Variants in DYRK1B observed in about 807,000 individuals in gnomAD.
DYRK1B encodes the protein dual specificity tyrosine phosphorylation regulated kinase 1B.
DYRK1B carries 20 observed loss-of-function variants against 57.1 expected under a neutral mutation model. The observed-to-expected ratio is 0.35, with a 90% CI of 0.25 to 0.51. The LOEUF (loss-of-function observed/expected upper bound fraction) is 0.51, where lower values mean the gene tolerates loss of function less well. DYRK1B is among the 20% of genes least tolerant of loss of function. The pLI, the probability that DYRK1B is intolerant of heterozygous loss-of-function variation, is 0.96. For missense variants in DYRK1B, 732 were observed against 886.3 expected (o/e 0.83, Z 2.21); for synonymous variants, 409 against 384.7 (o/e 1.06, Z -0.74).
chr19:39,827,772 G>A lies in DYRK1B; in HGVS notation c.808-116C>T, dbSNP rs539770734. On this transcript the variant is annotated intron_variant, in intron 6 of 10. Coordinates refer to ENST00000323039, the MANE Select transcript of DYRK1B (RefSeq NM_004714.3). Reference sequence around the variant, plus strand: ...TTCTTGCTGACAAAATGGGGACTGAGGCTCCAAATCCTGCCATTATCAGCA... The same window carrying A: ...TTCTTGCTGACAAAATGGGGACTGAAGCTCCAAATCCTGCCATTATCAGCA... 1,698 of 1,315,688 alleles carry A rather than the reference G, an allele frequency of 1.3e-3. 16 individuals are homozygous for A. The highest frequency in any genetic ancestry group is 2.2e-4 in the Non-Finnish European group (208 of 963,760). 81.5% of individuals were successfully genotyped at this position (1,315,688 alleles called of 1,614,324 possible).
intron 4 of DYRK1B, 154 bp from the exon 5 acceptor site, chr19:39,830,181 G>T: frequency 2.6e-6 from 3 of 1,155,716 alleles, no homozygotes; most frequent in Non-Finnish European, 3.7e-6. Context: ...GTAAACACTG[G>T]ATGTGAAATA....
chr19:39,825,852 GGGGGGC>G lies in DYRK1B; in HGVS notation c.1747_1752del (p.Ala583_Pro584del). 5 of 1,607,302 alleles carry G rather than the reference GGGGGGC, an allele frequency of 3.1e-6. No individual in the cohort carries two copies. Among genetic ancestry groups the G allele is most frequent in the Non-Finnish European group, 3.4e-6 (4 of 1,177,258 alleles). ...CGGAGGGCTGAGGCAGCCGGGTGCT[GGGGGGC>G]AGGCGCTGGGTGAGGTGGGGAGCAG... is the stretch of plus-strand genomic sequence containing the variant. On this transcript the variant is annotated inframe_deletion, in exon 11 of 11. Coordinates refer to ENST00000323039, the MANE Select transcript of DYRK1B (RefSeq NM_004714.3).
rs748584049 is a variant in DYRK1B, at chr19:39,829,901, T to C, written c.499A>G (p.Thr167Ala). 1 of 1,613,876 alleles carries C rather than the reference T, an allele frequency of 6.2e-7. No homozygotes were observed. Among genetic ancestry groups the C allele is most frequent in the South Asian group, 1.1e-5 (1 of 91,052 alleles). The change falls in exon 5 of 11, where the codon ACG (threonine) becomes GCG (alanine). Residue 167 changes from threonine (T) to alanine (A), a missense_variant. Transcript: ENST00000323039. ...TCACCTATATAGTACTTCATCTCCGTGTCATGCTGGTTCATCAGCTCCAGC... is the reference window on the plus strand; with the variant it reads ...TCACCTATATAGTACTTCATCTCCGCGTCATGCTGGTTCATCAGCTCCAGC... ...RLLELMNQHD[T>A]EMKYYIVHLK...
At chr19:39,827,067 A>G in intron 8 of DYRK1B, 80 bp from the exon 9 acceptor site, 1 of 1,266,150 alleles carries the variant, frequency 7.9e-7, no homozygotes, top group Non-Finnish European at 1.1e-6. Context: ...ACACGGGGAA[A>G]CAGAGGCACA....
At chr19:39,833,300 C>A in intron 1 of DYRK1B, 1 of 985,458 alleles carries the variant, frequency 1.0e-6, no homozygotes. Context: ...CCACGGGGGG[C>A]TGGGGCGCGG....
intron 5 of DYRK1B, among the ~76,000 whole-genome samples, chr19:39,829,363 A>G (rs1314627453): frequency 6.6e-6 from 1 of 151,780 alleles, no homozygotes; most frequent in Non-Finnish European, 1.5e-5. Flanking sequence ...AGTAGCTGGG[A>G]CTACAGGCGC....
Position 39,825,446 on chromosome 19 carries a change from G to C in DYRK1B, c.*269C>G. The C allele has an allele frequency of 2.1e-6, 1 of 482,894 alleles. No individual in the cohort carries two copies. The highest frequency in any genetic ancestry group is 2.5e-5 in the South Asian group (1 of 39,658). The allele number at this position is 482,894 out of a possible 1,614,324, so 29.9% of individuals were successfully genotyped here. A position where few individuals can be genotyped will look rare whatever the true frequency, so the allele number is the denominator to read the frequency against. The stretch of plus-strand genomic sequence containing the variant: ...CTCCTAGGGTCCTGGGGTGAGGGGG[G>C]GTCTTCCCTCCACCGGACCACCACT... On this transcript the variant is annotated 3_prime_UTR_variant, in exon 11 of 11. Transcript: ENST00000323039.
rs983359102 is a variant in DYRK1B, at chr19:39,826,371, C to A, written c.1412-85G>T. The A allele has an allele frequency of 3.4e-5, 38 of 1,128,530 alleles. No individual in the cohort carries two copies. Among genetic ancestry groups the A allele is most frequent in the Non-Finnish European group, 4.5e-5 (36 of 804,586 alleles). The allele number at this position is 1,128,530 out of a possible 1,614,324, so 69.9% of individuals were successfully genotyped here. ...TTTTGGGATGGCTGAGGGAAGGTCA[C>A]GGCCCAGGCTCAGGTTCAGGCTTCA... On this transcript the variant is annotated intron_variant, in intron 9 of 10. Transcript: ENST00000323039. This position sits in a 1 kb window ranked among gnomAD's most constrained non-coding sequence, Gnocchi z 6.3.
Position 39,827,807 on chromosome 19 carries a change from T to G in DYRK1B, c.808-151A>C, listed in dbSNP as rs552071614. The G allele has an allele frequency of 5.2e-6, 5 of 970,356 alleles. No homozygotes were observed. In the African/African-American group the frequency reaches 6.6e-5, roughly 13 times the overall value. 60.1% of individuals were successfully genotyped at this position (970,356 alleles called of 1,614,324 possible). ...CCTGCCATTATCAGCACCAATTTTC[T>G]GGGAGCCACTGGTGCCATCTTGTTT... On this transcript the variant is annotated intron_variant, in intron 6 of 10. Coordinates refer to ENST00000323039, the MANE Select transcript of DYRK1B (RefSeq NM_004714.3).
rs772617463 is a variant in DYRK1B, at chr19:39,826,006, C to T, written c.1599G>A (p.Ser533=). 17 of 1,522,490 alleles carry T rather than the reference C, an allele frequency of 1.1e-5. No homozygotes were observed. Among genetic ancestry groups the T allele is most frequent in the African/African-American group, 1.4e-5 (1 of 71,686 alleles). The allele number at this position is 1,522,490 out of a possible 1,614,324, so 94.3% of individuals were successfully genotyped here. The change falls in exon 11 of 11, where the codon TCG becomes TCA. Residue 533 remains serine (S), a synonymous_variant. Transcript: ENST00000323039. The surrounding 1 kb of genome is among the most constrained non-coding windows in gnomAD (Gnocchi z 6.3). ...HKTHQAPASA[S]SLPGTGAQLP... is the part of the protein sequence containing the mutation. ...ACTGGGCCCCGGTCCCAGGCAGTGA[C>T]GAGGCAGAGGCAGGGGCTTGATGTG...
intron 1 of DYRK1B, chr19:39,832,983 C>A (rs1290900945): frequency 1.8e-5 from 18 of 985,188 alleles, no homozygotes; most frequent in Non-Finnish European, 2.2e-5. Context: ...TTTCTCCAGG[C>A]ACCCCTCTTT....
At chr19:39,827,470 AC>A in intron 7 of DYRK1B, 39 bp downstream of exon 7, 1 of 1,609,342 alleles carries the variant, frequency 6.2e-7, no homozygotes, top group Non-Finnish European at 8.5e-7. Context: ...GCCAGGCTCC[AC>A]CCCCTCCACC....
chr19:39,827,854 G>A (rs1482079329), intron 6 of DYRK1B, among the ~76,000 whole-genome samples, 198 bp from the exon 7 acceptor site: 2 of 152,014 alleles, frequency 1.3e-5, no homozygotes, highest in Non-Finnish European at 2.9e-5. Flanking sequence ...GAGTCTGCTG[G>A]CCTAGACAGA....
In DYRK1B at chr19:39,826,141, C is replaced by T. The variant is rs1416541058; in HGVS notation, c.1518+39G>A. ...GAGACCCTGGTCTCTAAGCCCCAGG[C>T]ACCACCACCCACCTCCAAAGCCCCC... On this transcript the variant is annotated intron_variant, in intron 10 of 10. Coordinates refer to ENST00000323039, the MANE Select transcript of DYRK1B (RefSeq NM_004714.3). This position sits in a 1 kb window ranked among gnomAD's most constrained non-coding sequence, Gnocchi z 6.3. 16 of 1,582,854 alleles carry T rather than the reference C, an allele frequency of 1.0e-5. No individual in the cohort carries two copies. Among genetic ancestry groups the T allele is most frequent in the Non-Finnish European group, 1.4e-5 (16 of 1,168,176 alleles).
intron 1 of DYRK1B, chr19:39,832,862 A>G (rs1450835998): frequency 1.9e-5 from 18 of 938,876 alleles, no homozygotes; most frequent in East Asian, 2.3e-4. Context: ...CTGATGGGAG[A>G]AGGAGGAGGT....
chr19:39,825,632 A>G lies in DYRK1B; in HGVS notation c.*83T>C, dbSNP rs1221699503. On this transcript the variant is annotated 3_prime_UTR_variant, in exon 11 of 11. Coordinates refer to ENST00000323039, the MANE Select transcript of DYRK1B (RefSeq NM_004714.3). ...AGCTGGGTAGCAGCAATTCCAGTCA[A>G]GGAGAGAGATGAGGATGGGAGCCCA... 2.1e-6 allele frequency: 3 copies of G among 1,405,882 alleles called. No homozygotes were observed. The highest frequency in any genetic ancestry group is 2.0e-5 in the Admixed American group (1 of 49,760). 87.1% of individuals were successfully genotyped at this position (1,405,882 alleles called of 1,614,324 possible).
intron 1 of DYRK1B, among the ~76,000 whole-genome samples, chr19:39,832,525 G>T (rs182820804): frequency 2.0e-5 from 3 of 151,892 alleles, no homozygotes; most frequent in Admixed American, 2.0e-4. Flanking sequence ...CAAACCACAT[G>T]AGTCTTCCCC....
In DYRK1B at chr19:39,833,199, C is replaced by T. The variant is rs1968905505; in HGVS notation, c.-102+824G>A. ...GACTCCTCCACCCTTGGAGCTTCCC[C>T]CAAAAAACCACCTCTTCTCCGGGGC... is the stretch of plus-strand genomic sequence containing the variant. On this transcript the variant is annotated intron_variant, in intron 1 of 10. Coordinates refer to ENST00000323039, the MANE Select transcript of DYRK1B (RefSeq NM_004714.3). 4.1e-6 allele frequency: 4 copies of T among 985,732 alleles called. No individual in the cohort carries two copies. The South Asian group carries it at 1.9e-4, about 46-fold the overall frequency. 61.1% of individuals were successfully genotyped at this position (985,732 alleles called of 1,614,324 possible). A position where few individuals can be genotyped will look rare whatever the true frequency, so the allele number is the denominator to read the frequency against.
At chr19:39,827,014 G>GGGGGC in intron 8 of DYRK1B, 27 bp from the exon 9 acceptor site, 18 of 419,588 alleles carry the variant, frequency 4.3e-5, no homozygotes, top group Non-Finnish European at 7.3e-5. Flanking sequence ...GGGAGGGGGG[G>GGGGGC]CAAGAGAGTG....
Sources: gnomAD v4.1 joint callset for allele counts (sites outside exome capture counted in the v4.1 genomes callset) on GRCh38, gnomAD v4.1.1 for gene constraint, Gnocchi (gnomAD v3.1) non-coding constraint, MANE v1.5 for transcripts, NCBI Gene and HGNC (gene_info 2026-07-23, HGNC 2026-07-21) for gene names.